Variants in UCHL3 observed in about 807,000 individuals in gnomAD.
UCHL3 encodes ubiquitin carboxyl-terminal hydrolase isozyme L3.
UCHL3 carries 22 observed loss-of-function variants against 35.8 expected under a neutral mutation model. The ratio of observed to expected loss-of-function variants is 0.61; its 90% CI spans 0.44 to 0.88. UCHL3 has a LOEUF of 0.88. Among genes scored for constraint, UCHL3 ranks in the 40% least tolerant of loss-of-function variants. The pLI is 0.00. For synonymous variants in UCHL3, 90 were observed against 92.8 expected (o/e 0.97, Z 0.17); for missense variants, 229 against 276.9 (o/e 0.83, Z 1.23).
At chr13:75,574,197 A>G (rs959503931) in intron 6 of UCHL3, among the ~76,000 whole-genome samples, 3 of 152,134 alleles carry the variant, frequency 2.0e-5, no homozygotes, top group East Asian at 1.9e-4. Flanking sequence ...CAGCCTGGGC[A>G]ACAGAAGGAG....
intron 6 of UCHL3, among the ~76,000 whole-genome samples, chr13:75,572,195 T>G (rs969268684): frequency 6.6e-6 from 1 of 152,180 alleles, no homozygotes; most frequent in African/African-American, 2.4e-5. Flanking sequence ...TCTCTTGCAC[T>G]TCTTCTATCC....
At position 75,605,757 on chromosome 13, in the gene UCHL3, TG is replaced by T. The variant is rs766467942; in HGVS notation, c.640del (p.Glu214SerfsTer7). 2 of 1,614,094 alleles carry T rather than the reference TG, an allele frequency of 1.2e-6. No homozygotes were observed. Among genetic ancestry groups the T allele is most frequent in the Non-Finnish European group, 1.7e-6 (2 of 1,180,002 alleles). ...GCCATAGAAGTTTGCAAGAAGTTTATGGAGCGCGACCCTGATGAACTAAGAT... is the reference window on the plus strand; with the variant it reads ...GCCATAGAAGTTTGCAAGAAGTTTATGAGCGCGACCCTGATGAACTAAGAT... ...EDAIEVCKKF[M>X]ERDPDELRFN... On this transcript the variant is annotated frameshift_variant, in exon 9 of 9. Coordinates refer to ENST00000377595, the MANE Select transcript of UCHL3 (RefSeq NM_006002.5). LOFTEE classifies it high-confidence loss of function.
intron 6 of UCHL3, among the ~76,000 whole-genome samples, chr13:75,571,104 A>C (rs2031841986): frequency 6.6e-6 from 1 of 152,122 alleles, no homozygotes; most frequent in Admixed American, 6.6e-5. Context: ...AATCTTCACT[A>C]TGCTTTGATT....
intron 2 of UCHL3, among the ~76,000 whole-genome samples, chr13:75,560,268 A>T (rs2031449127): frequency 6.6e-6 from 1 of 152,212 alleles, no homozygotes; most frequent in Non-Finnish European, 1.5e-5. Context: ...TATAACTTAA[A>T]TGCCTCTCCT....
At chr13:75,580,721 C>G (rs575560935) in intron 6 of UCHL3, among the ~76,000 whole-genome samples, 1 of 152,244 alleles carries the variant, frequency 6.6e-6, no homozygotes, top group African/African-American at 2.4e-5. Flanking sequence ...TGTATCTACC[C>G]TAGTTTGATC....
intron 7 of UCHL3, among the ~76,000 whole-genome samples, chr13:75,599,274 AGTTTTAATTTTTAAGAGTTCTTCT>A (rs1392326116): frequency 2.0e-5 from 3 of 151,844 alleles, no homozygotes; most frequent in African/African-American, 7.3e-5. Context: ...CACAGGCCAT[AGTTTTAATTTTTAAGAGTTCTTCT>A]GTTCTCTGAG....
At chr13:75,575,736 T>C (rs1339320211) in intron 6 of UCHL3, among the ~76,000 whole-genome samples, 1 of 152,054 alleles carries the variant, frequency 6.6e-6, no homozygotes, top group Non-Finnish European at 1.5e-5. Flanking sequence ...CACCCCCACC[T>C]TCAAACAAAC....
chr13:75,557,758 T>C (rs963077940), intron 2 of UCHL3, among the ~76,000 whole-genome samples: 1 of 152,206 alleles, frequency 6.6e-6, no homozygotes, highest in Non-Finnish European at 1.5e-5. Context: ...ATCAGTTCTA[T>C]AGATTTGTAA....
chr13:75,597,873 T>A (rs1348170398), intron 7 of UCHL3, among the ~76,000 whole-genome samples: 1 of 152,160 alleles, frequency 6.6e-6, no homozygotes, highest in Non-Finnish European at 1.5e-5. Flanking sequence ...TCTAATAAAT[T>A]GTAAGGTTAA....
chr13:75,559,075 T>C (rs1305621720), intron 2 of UCHL3, among the ~76,000 whole-genome samples: 2 of 133,508 alleles, frequency 1.5e-5, no homozygotes, highest in Non-Finnish European at 3.1e-5. Flanking sequence ...AGTCTGGCTC[T>C]GTAGCCCAGG....
intron 7 of UCHL3, among the ~76,000 whole-genome samples, chr13:75,597,319 T>A (rs1219272719): frequency 6.6e-6 from 1 of 152,032 alleles, no homozygotes. Context: ...TGATTGCACC[T>A]GTGAACAGCC....
At chr13:75,559,298 C>G (rs1396131489) in intron 2 of UCHL3, among the ~76,000 whole-genome samples, 1 of 152,026 alleles carries the variant, frequency 6.6e-6, no homozygotes, top group Non-Finnish European at 1.5e-5. Flanking sequence ...CCTCGGCCTC[C>G]CAGAGTGCTG....
intron 4 of UCHL3, 25 bp from the exon 5 acceptor site, chr13:75,567,202 A>G: frequency 6.2e-7 from 1 of 1,607,660 alleles, no homozygotes; most frequent in Non-Finnish European, 8.5e-7. Context: ...AGCCTTTTTA[A>G]TTTTATCTTC....
chr13:75,569,318 C>A (rs951076841), intron 5 of UCHL3, 142 bp from the exon 6 acceptor site: 16 of 545,396 alleles, frequency 2.9e-5, no homozygotes, highest in Non-Finnish European at 4.1e-5. Context: ...TCTTAAATAT[C>A]TAGTACTAAG....
At chr13:75,573,041 G>T (rs561853351) in intron 6 of UCHL3, among the ~76,000 whole-genome samples, 2 of 152,292 alleles carry the variant, frequency 1.3e-5, no homozygotes, top group South Asian at 2.1e-4. Context: ...AAGGCAGGCG[G>T]ATCACCTGAG....
At chr13:75,563,306 G>C (rs990563955) in intron 3 of UCHL3, among the ~76,000 whole-genome samples, 3 of 152,274 alleles carry the variant, frequency 2.0e-5, no homozygotes, top group African/African-American at 4.8e-5. Context: ...CTCTGGAGTA[G>C]CTGGGATTTC....
intron 2 of UCHL3, among the ~76,000 whole-genome samples, chr13:75,557,934 T>A (rs1386976777): frequency 2.0e-5 from 3 of 151,190 alleles, no homozygotes; most frequent in Non-Finnish European, 4.4e-5. Context: ...TTTTTTTTTT[T>A]AATTGTAAAA....
At chr13:75,601,554 A>C (rs2032781465) in intron 7 of UCHL3, among the ~76,000 whole-genome samples, 1 of 152,222 alleles carries the variant, frequency 6.6e-6, no homozygotes, top group African/African-American at 2.4e-5. Context: ...TTAGGAATAA[A>C]GTGTTTTTTA....
Position 75,581,019 on chromosome 13 carries a change from G to A in UCHL3, c.474+11512G>A, listed in dbSNP as rs183029024. 3.4e-4 allele frequency among the ~76,000 whole-genome samples: 51 copies of A among 152,120 alleles called. No homozygotes were observed. In the South Asian group the frequency reaches 7.7e-3, roughly 23 times the overall value. On this transcript the variant is annotated intron_variant, in intron 6 of 8. Coordinates refer to ENST00000377595, the MANE Select transcript of UCHL3 (RefSeq NM_006002.5). ...GCCGAATACTTTGTTCTTTTTTGCC[G>A]TTAACATCTAAGTCAGTTCTTATTC...
Sources: gnomAD v4.1 joint callset for allele counts (sites outside exome capture counted in the v4.1 genomes callset) on GRCh38, gnomAD v4.1.1 for gene constraint, MANE v1.5 for transcripts, NCBI Gene and HGNC (gene_info 2026-07-23, HGNC 2026-07-21) for gene names.